TRA2B: variants seen among roughly 807,000 people sequenced by gnomAD.
TRA2B encodes the protein transformer-2 protein homolog beta.
In TRA2B, 14 loss-of-function variants were observed where a neutral mutation model predicts 41.7. That is an observed-to-expected ratio of 0.34 (90% CI 0.22 to 0.53). The LOEUF is 0.53. TRA2B is among the 20% of genes least tolerant of loss of function. TRA2B has a pLI of 0.95. For missense variants in TRA2B, 167 were observed against 396.8 expected (o/e 0.42, Z 4.92); for synonymous variants, 130 against 128.8 (o/e 1.01, Z -0.06).
At chr3:185,921,015 G>A (rs1352282203) in intron 6 of TRA2B, 89 bp downstream of exon 6, 3 of 1,139,324 alleles carry the variant, frequency 2.6e-6, no homozygotes, top group Admixed American at 1.9e-5. Flanking sequence ...CTAAAGCAAA[G>A]CTTTTAACAA....
chr3:185,930,590 C>G lies in TRA2B; in HGVS notation c.37-3856G>C, dbSNP rs369770278. On this transcript the variant is annotated intron_variant, in intron 1 of 8. Transcript: ENST00000453386. ...TCTCAACTGGGTAGAAAACCGCTGG[C>G]TGACTACTACTGGGTATTATTTTTG... 4.6e-5 allele frequency among the ~76,000 whole-genome samples: 7 copies of G among 152,182 alleles called. No homozygotes were observed. The East Asian group carries it at 1.2e-3, about 25-fold the overall frequency.
In TRA2B at chr3:185,914,805, T is replaced by A. The variant is rs1578467009; in HGVS notation, c.*2910A>T. ...GCCTAATCCATCCTCAAAATTTCCA[T>A]ATAATTTACAGAAATTTTGATAATG... On this transcript the variant is annotated 3_prime_UTR_variant, in exon 9 of 9. Coordinates refer to ENST00000453386, the MANE Select transcript of TRA2B (RefSeq NM_004593.3). Among the ~76,000 whole-genome samples the A allele has an allele frequency of 6.6e-6, 1 of 152,068 alleles. No homozygotes were observed. The highest frequency in any genetic ancestry group is 2.1e-4 in the South Asian group (1 of 4,808).
At chr3:185,931,976 C>G (rs1744165318) in intron 1 of TRA2B, 4 of 630,420 alleles carry the variant, frequency 6.3e-6, no homozygotes, top group Non-Finnish European at 7.0e-6. Context: ...AAAAAAGAAA[C>G]TAGAATATGC....
chr3:185,925,017 A>G (rs578137258), intron 3 of TRA2B: 1 of 153,124 alleles, frequency 6.5e-6, no homozygotes, highest in African/African-American at 2.4e-5. Context: ...ATCACAATAA[A>G]TATCATCTCA....
At chr3:185,927,769 A>G (rs1294668301) in intron 1 of TRA2B, 1 of 152,290 alleles carries the variant, frequency 6.6e-6, no homozygotes, top group African/African-American at 2.4e-5. Flanking sequence ...ACAAAAGGGT[A>G]TACTAAGTAA....
In TRA2B at chr3:185,919,439, A is replaced by G. The variant is rs1022016200; in HGVS notation, c.780T>C (p.Tyr260=). 3.1e-6 allele frequency: 5 copies of G among 1,613,306 alleles called. No homozygotes were observed. Among genetic ancestry groups the G allele is most frequent in the Middle Eastern group, 3.3e-4 (2 of 6,084 alleles). Residue 260 remains tyrosine, a splice_region_variant and synonymous_variant, in exon 7 of 9, where the codon TAT becomes TAC. Coordinates refer to ENST00000453386, the MANE Select transcript of TRA2B (RefSeq NM_004593.3). ...WRAAQDRDQI[Y]RRRSPSPYYS... is the part of the protein sequence containing the mutation. ...TGCTAAGTCCTCTCCTGGCATACCTATAAATCTGATCCCTGTCTTGGGCAG... is the reference window on the plus strand; with the variant it reads ...TGCTAAGTCCTCTCCTGGCATACCTGTAAATCTGATCCCTGTCTTGGGCAG...
At chr3:185,918,980 TTAAAAA>T (rs1453194000) in intron 7 of TRA2B, among the ~76,000 whole-genome samples, 4 of 152,080 alleles carry the variant, frequency 2.6e-5, no homozygotes, top group African/African-American at 9.7e-5. Flanking sequence ...TCTCCAAAAA[TTAAAAA>T]TAAAAATGAG....
At chr3:185,932,764 T>C (rs1259872220) in intron 1 of TRA2B, among the ~76,000 whole-genome samples, 2 of 152,172 alleles carry the variant, frequency 1.3e-5, no homozygotes, top group East Asian at 3.8e-4. Context: ...ACATAAAACA[T>C]GCTAGTTTTT....
intron 3 of TRA2B, 34 bp downstream of exon 3, chr3:185,925,430 A>G (rs1560010829): frequency 6.2e-7 from 1 of 1,604,476 alleles, no homozygotes; most frequent in Non-Finnish European, 8.5e-7. Flanking sequence ...AAATTTAGGC[A>G]GTTGACTGCT....
intron 1 of TRA2B, among the ~76,000 whole-genome samples, chr3:185,933,739 ACAT>A (rs986264743): frequency 2.6e-5 from 4 of 152,174 alleles, no homozygotes; most frequent in East Asian, 1.9e-4. Flanking sequence ...CTGGAAAAAA[ACAT>A]CATCTGAAAT....
chr3:185,925,666 A>G (rs2551372), intron 2 of TRA2B, 40 bp from the exon 3 acceptor site: 150,591 of 1,576,750 alleles, frequency 0.096, 10,763 homozygotes, highest in South Asian at 0.29. Context: ...ACTGAAAACA[A>G]ATATTGTCTT....
rs1472827779 is a variant in TRA2B, at chr3:185,937,291, A to ACGGT, written c.36+530_36+533dup. On this transcript the variant is annotated intron_variant, in intron 1 of 8. Transcript: ENST00000453386. Reference sequence around the variant, plus strand: ...CTCCGTCCTTTCCGTGGAGGCAAAGACGGTCCTTCGTTAACCTAAACACCG... The same window carrying ACGGT: ...CTCCGTCCTTTCCGTGGAGGCAAAGACGGTCGGTCCTTCGTTAACCTAAACACCG... The ACGGT allele has an allele frequency of 8.1e-6, 8 of 987,004 alleles. No individual in the cohort carries two copies. In the East Asian group the frequency reaches 7.9e-4, roughly 98 times the overall value. The allele number at this position is 987,004 out of a possible 1,614,324, so 61.1% of individuals were successfully genotyped here.
chr3:185,935,015 C>G (rs954366251), intron 1 of TRA2B: 2 of 985,298 alleles, frequency 2.0e-6, no homozygotes, highest in African/African-American at 3.5e-5. Flanking sequence ...TTGAGAGGCT[C>G]AGAACATTAC....
At position 185,935,721 on chromosome 3, in the gene TRA2B, T is replaced by C. The variant is rs1045001784; in HGVS notation, c.36+2104A>G. On this transcript the variant is annotated intron_variant, in intron 1 of 8. Coordinates refer to ENST00000453386, the MANE Select transcript of TRA2B (RefSeq NM_004593.3). ...AAGATCAAGCTGTTCCATTGAGCTT[T>C]ATGGTTTTCCCAAGCTTGCTTTGGA... is the stretch of plus-strand genomic sequence containing the variant. The C allele has an allele frequency of 7.1e-6, 7 of 985,342 alleles. No homozygotes were observed. The African/African-American group carries it at 1.0e-4, about 15-fold the overall frequency. 61.0% of individuals were successfully genotyped at this position (985,342 alleles called of 1,614,324 possible).
chr3:185,925,304 T>C (rs761376578), intron 3 of TRA2B, 160 bp downstream of exon 3: 16 of 789,848 alleles, frequency 2.0e-5, no homozygotes, highest in Non-Finnish European at 3.1e-5. Flanking sequence ...GACCCCGTCA[T>C]GGAAGATTAA....
At chr3:185,921,819 TTGAC>T (rs1189152477) in intron 5 of TRA2B, among the ~76,000 whole-genome samples, 188 bp downstream of exon 5, 9 of 152,108 alleles carry the variant, frequency 5.9e-5, no homozygotes, top group South Asian at 2.1e-4. Flanking sequence ...AAAAATGGAC[TTGAC>T]TAAGATTTAG....
chr3:185,926,190 C>CA (rs1173619407), intron 2 of TRA2B, among the ~76,000 whole-genome samples: 1 of 127,026 alleles, frequency 7.9e-6, no homozygotes. Context: ...TTTTGACCAA[C>CA]ATTAAAAAAA....
chr3:185,920,285 A>G (rs1743668523), intron 6 of TRA2B, among the ~76,000 whole-genome samples: 1 of 152,254 alleles, frequency 6.6e-6, no homozygotes, highest in Admixed American at 6.5e-5. Flanking sequence ...TTGGCTTTCC[A>G]AAATGGCTTA....
intron 1 of TRA2B, chr3:185,937,270 G>C (rs1469263663): frequency 1.1e-5 from 11 of 986,264 alleles, no homozygotes; most frequent in Non-Finnish European, 4.8e-6. Context: ...CCCAGACTCC[G>C]TCCTTTCCGT....
Sources: gnomAD v4.1 joint callset for allele counts (sites outside exome capture counted in the v4.1 genomes callset) on GRCh38, gnomAD v4.1.1 for gene constraint, MANE v1.5 for transcripts, NCBI Gene and HGNC (gene_info 2026-07-23, HGNC 2026-07-21) for gene names.